Variants in ZNF676 observed in about 807,000 individuals in gnomAD.
The protein encoded by ZNF676 is zinc finger protein 676.
Under a neutral mutation model 6.0 loss-of-function variants are expected in ZNF676, and 4 were observed. The ratio of observed to expected loss-of-function variants is 0.67; its 90% CI spans 0.33 to 1.53. The LOEUF is 1.53. Among genes scored for constraint, ZNF676 ranks in the 40% most tolerant of loss-of-function variants. ZNF676 has a pLI of 0.06. For synonymous variants in ZNF676, 198 were observed against 223.1 expected (o/e 0.89, Z 1.00); for missense variants, 644 against 679.7 (o/e 0.95, Z 0.58).
chr19:22,213,394 G>A (rs2024150401), intron 1 of ZNF676, among the ~76,000 whole-genome samples: 1 of 152,162 alleles, frequency 6.6e-6, no homozygotes, highest in South Asian at 2.1e-4. Context: ...GAACAGCAAT[G>A]TGTCTCCAAG....
the ZNF676 span, among the ~76,000 whole-genome samples, chr19:22,228,192 G>A: frequency 2.6e-5 from 4 of 152,124 alleles, no homozygotes; most frequent in Non-Finnish European, 5.9e-5. Context: ...ATGCATGGCT[G>A]GTTCAACATA....
At chr19:22,225,685 C>T in the ZNF676 span, among the ~76,000 whole-genome samples, 1 of 152,116 alleles carries the variant, frequency 6.6e-6, no homozygotes, top group East Asian at 1.9e-4. Context: ...GATATTTATG[C>T]ATTCCTCTAC....
Position 22,188,733 on chromosome 19 carries a change from T to C in ZNF676, c.130+4283A>G, listed in dbSNP as rs893537316. 4.6e-5 allele frequency among the ~76,000 whole-genome samples: 7 copies of C among 152,102 alleles called. 1 individual carries two copies. The South Asian group carries it at 6.2e-4, about 14-fold the overall frequency. On this transcript the variant is annotated intron_variant, in intron 2 of 2. Transcript: ENST00000397121. ...ACACCAATAATAGAGAGCCAAATCA[T>C]GAGTGAACTCCCATTTACAATTGCT...
At chr19:22,216,936 A>G (rs1313169119), upstream of ZNF676, among the ~76,000 whole-genome samples, 1 of 134,776 alleles carries the variant, frequency 7.4e-6, no homozygotes, top group Non-Finnish European at 1.5e-5. Context: ...ACTCTTTCTA[A>G]AAAAAAAAAA....
chr19:22,245,194 T>C, the ZNF676 span: 1 of 152,196 alleles, frequency 6.6e-6, no homozygotes, highest in African/African-American at 2.4e-5. Context: ...AGCCCACAGA[T>C]GTGTCACTAT....
the ZNF676 span, among the ~76,000 whole-genome samples, chr19:22,232,768 A>C: frequency 2.0e-5 from 3 of 152,094 alleles, no homozygotes; most frequent in African/African-American, 7.2e-5. Flanking sequence ...AGAAAAAAAA[A>C]CCTGAAAAAA....
At chr19:22,192,572 A>G (rs2023921418) in intron 2 of ZNF676, among the ~76,000 whole-genome samples, 1 of 152,164 alleles carries the variant, frequency 6.6e-6, no homozygotes, top group African/African-American at 2.4e-5. Flanking sequence ...TATAGTAATA[A>G]AAACAGAATG....
chr19:22,201,805 A>C (rs2024028886), upstream of ZNF676, among the ~76,000 whole-genome samples: 1 of 150,240 alleles, frequency 6.7e-6, no homozygotes, highest in African/African-American at 2.4e-5. Flanking sequence ...GAGAAATTTT[A>C]CTTATGTAAA....
the ZNF676 span, among the ~76,000 whole-genome samples, chr19:22,245,800 T>C: frequency 1.3e-5 from 2 of 152,296 alleles, no homozygotes; most frequent in South Asian, 4.1e-4. Flanking sequence ...CCCAGCCATA[T>C]ATCACAATAC....
At chr19:22,201,731 CAAAAAAAAAAA>C (rs35526921), upstream of ZNF676, among the ~76,000 whole-genome samples, 13 of 76,228 alleles carry the variant, frequency 1.7e-4, no homozygotes, top group African/African-American at 3.0e-4. Flanking sequence ...TTTGTAAAGG[CAAAAAAAAAAA>C]AAAAAAAAAA....
chr19:22,233,775 A>G, the ZNF676 span, among the ~76,000 whole-genome samples: 2 of 151,820 alleles, frequency 1.3e-5, no homozygotes, highest in African/African-American at 2.4e-5. Context: ...TTGTTCATGG[A>G]CCTATTGGGC....
chr19:22,188,293 C>T (rs1479993778), intron 2 of ZNF676, among the ~76,000 whole-genome samples: 1 of 152,158 alleles, frequency 6.6e-6, no homozygotes, highest in Non-Finnish European at 1.5e-5. Flanking sequence ...GCAGGAAAGG[C>T]TTTTGACAAA....
rs78757874 is a variant in ZNF676, at chr19:22,180,658, A to C, written c.1059T>G (p.Thr353=). 6.9e-7 allele frequency: 1 copy of C among 1,449,490 alleles called. No homozygotes were observed. The highest frequency in any genetic ancestry group is 9.3e-7 in the Non-Finnish European group (1 of 1,076,098). The allele number at this position is 1,449,490 out of a possible 1,614,324, so 89.8% of individuals were successfully genotyped here. ...GKAFNRSSIL[T]KHKIIHTGEK... is the part of the protein sequence containing the mutation. ...CTCCAGTATGAATAATCTTATGTTT[A>C]GTAAGGATTGAGGATCGATTAAAAG... is the stretch of plus-strand genomic sequence containing the variant. The change falls in exon 3 of 3, where the codon ACT becomes ACG. Residue 353 remains threonine (T), a synonymous_variant. Coordinates refer to ENST00000397121, the MANE Select transcript of ZNF676 (RefSeq NM_001001411.3).
At chr19:22,259,127 CA>C in the ZNF676 span, among the ~76,000 whole-genome samples, 1 of 152,148 alleles carries the variant, frequency 6.6e-6, no homozygotes, top group Non-Finnish European at 1.5e-5. Context: ...TAACAGGTAA[CA>C]GGTAGGAGAG....
chr19:22,244,329 A>G, the ZNF676 span: 39 of 152,222 alleles, frequency 2.6e-4, no homozygotes, highest in African/African-American at 8.7e-4. Context: ...GGCATGAGCC[A>G]CACTGCCCAG....
the ZNF676 span, among the ~76,000 whole-genome samples, chr19:22,226,192 C>T: frequency 3.9e-5 from 6 of 152,112 alleles, no homozygotes; most frequent in East Asian, 1.2e-3. Context: ...CTATTGTGTG[C>T]TCATGGCAGC....
intron 2 of ZNF676, among the ~76,000 whole-genome samples, chr19:22,184,826 GAAAAAAAA>G (rs144833243): frequency 7.6e-5 from 4 of 52,688 alleles, no homozygotes; most frequent in African/African-American, 2.4e-4. Context: ...GGGCATCTTT[GAAAAAAAA>G]AAAAAAAAAA....
chr19:22,223,267 A>C, the ZNF676 span, among the ~76,000 whole-genome samples: 1 of 152,240 alleles, frequency 6.6e-6, no homozygotes, highest in Non-Finnish European at 1.5e-5. Flanking sequence ...CTTGGGCTTT[A>C]GCAGAGTTTC....
the ZNF676 span, among the ~76,000 whole-genome samples, chr19:22,252,063 A>G: frequency 1.6e-4 from 24 of 152,312 alleles, no homozygotes; most frequent in African/African-American, 5.5e-4. Flanking sequence ...ACATTTGTTA[A>G]GAACTCAAGA....
Sources: allele counts gnomAD v4.1 joint callset (sites outside exome capture counted in the v4.1 genomes callset), GRCh38; gene constraint gnomAD v4.1.1; transcripts MANE v1.5; gene names NCBI Gene and HGNC (gene_info 2026-07-23, HGNC 2026-07-21).